TAF1L: variants seen among roughly 807,000 people sequenced by gnomAD.
TAF1L encodes the protein TATA-box binding protein associated factor 1 like.
A neutral mutation model predicts 128.8 loss-of-function variants in TAF1L; 30 were observed. The observed-to-expected ratio is 0.23, with a 90% CI of 0.17 to 0.32. The LOEUF is 0.32. Among genes scored for constraint, TAF1L ranks in the 10% least tolerant of loss-of-function variants. TAF1L has a pLI of 1.00. For missense variants in TAF1L, 2,099 were observed against 2,253.7 expected, an observed-to-expected ratio of 0.93 and a Z score of 1.39; for synonymous variants, 764 against 790.7, an observed-to-expected ratio of 0.97 and a Z score of 0.57.
chr9:32,631,587 A>G lies in TAF1L; in HGVS notation c.3993T>C (p.Asn1331=), dbSNP rs1221851127. The stretch of plus-strand genomic sequence containing the variant: ...TCCCTTCAACCTTGATAAGTTCTTC[A>G]TTATCATTATGAATGACTGTCTTTT... The part of the protein sequence containing the change: ...ELEKTVIHND[N]EELIKVEGTK... The change falls in exon 1 of 1, where the codon AAT becomes AAC. Residue 1331 remains asparagine (N), a synonymous_variant. Transcript: ENST00000242310. This position sits in a 1 kb window ranked among gnomAD's most constrained non-coding sequence, Gnocchi z 4.1. The G allele has an allele frequency of 1.9e-6, 3 of 1,614,172 alleles. No individual in the cohort carries two copies. Among genetic ancestry groups the G allele is most frequent in the Admixed American group, 3.3e-5 (2 of 60,022 alleles).
In TAF1L at chr9:32,634,486, G is replaced by C; in HGVS notation, c.1094C>G (p.Ala365Gly). ...ACCCAGCATATCATACCACAGTCGG[G>C]CAGGCCCATAACGCCACTCAGCCAC... ...PRVAEWRYGP[A>G]RLWYDMLGVS... Residue 365 changes from alanine (A) to glycine (G), a missense_variant, in exon 1 of 1, where the codon GCC (alanine) becomes GGC (glycine). Ala to Gly is a moderately conservative substitution (Grantham distance 60). Around this residue, in one of 4 missense-constraint regions of TAF1L, gnomAD observed 1,213 missense variants for 1,391.4 expected, o/e 0.87. Transcript: ENST00000242310. 6.2e-7 allele frequency: 1 copy of C among 1,614,154 alleles called. No individual in the cohort carries two copies. Among genetic ancestry groups the C allele is most frequent in the South Asian group, 1.1e-5 (1 of 91,084 alleles).
chr9:32,634,631 G>A lies in TAF1L; in HGVS notation c.949C>T (p.Pro317Ser), dbSNP rs759609585. 15 of 1,614,040 alleles carry A rather than the reference G, an allele frequency of 9.3e-6. No homozygotes were observed. Among genetic ancestry groups the A allele is most frequent in the South Asian group, 7.7e-5 (7 of 91,078 alleles). Residue 317 changes from proline (P) to serine (S), a missense_variant, in exon 1 of 1, where the codon CCA (proline) becomes TCA (serine). Pro to Ser is a moderately conservative substitution (Grantham distance 74). Around this residue, in one of 4 missense-constraint regions of TAF1L, gnomAD observed 473 missense variants for 429.6 expected, o/e 1.10. Coordinates refer to ENST00000242310, the MANE Select transcript of TAF1L (RefSeq NM_153809.2). Reference protein sequence around the residue: ...QKSLWNYDYAPPPPPEQCLAD... With the variant: ...QKSLWNYDYASPPPPEQCLAD... ...AGACACTGCTCTGGGGGTGGTGGTG[G>A]AGCATAGTCATAGTTCCACAAAGAC...
rs199701622 is a variant in TAF1L at position 32,630,063 on chromosome 9, TC to T, written c.*35del. 8.9e-4 allele frequency: 1,434 copies of T among 1,611,924 alleles called. 21 individuals carry two copies. The East Asian group carries it at 0.029, about 32-fold the overall frequency. On this transcript the variant is annotated 3_prime_UTR_variant, in exon 1 of 1. Coordinates refer to ENST00000242310, the MANE Select transcript of TAF1L (RefSeq NM_153809.2). The stretch of plus-strand genomic sequence containing the variant: ...GCTATCCTCCAAATCATGGGAAGCC[TC>T]CCCACCGTCTCCCTCATGGGACATC...
At position 32,634,395 on chromosome 9, in the gene TAF1L, C is replaced by T. The variant is rs771517191; in HGVS notation, c.1185G>A (p.Val395=). Residue 395 remains valine (V), a synonymous_variant, in exon 1 of 1, where the codon GTG becomes GTA. Transcript: ENST00000242310. Reference sequence around the variant, plus strand: ...ATTCCTCCATCATTCTAGATTTTATCACAGGTTCATGTTGTGTCTTTCTCA... The same window carrying T: ...ATTCCTCCATCATTCTAGATTTTATTACAGGTTCATGTTGTGTCTTTCTCA... ...FKLRKTQHEP[V]IKSRMMEEFR... 2.5e-6 allele frequency: 4 copies of T among 1,614,088 alleles called. No individual in the cohort carries two copies. The African/African-American group carries it at 5.3e-5, about 22-fold the overall frequency.
chr9:32,635,060 T>C lies in TAF1L; in HGVS notation c.520A>G (p.Ile174Val), dbSNP rs943616600. Residue 174 changes from isoleucine to valine, a missense_variant, in exon 1 of 1, where the codon ATT (isoleucine) becomes GTT (valine). Physicochemically the swap from Ile to Val is conservative, Grantham distance 29. Around this residue, in one of 4 missense-constraint regions of TAF1L, gnomAD observed 473 missense variants for 429.6 expected, o/e 1.10. Transcript: ENST00000242310. ...PMKKDKDQDA[I>V]TCVSESGEDI... ...TCTCCACTTTCAGACACACAGGTAA[T>C]AGCATCTTGGTCCTTATCCTTCTTC... The C allele has an allele frequency of 2.5e-6, 4 of 1,614,122 alleles. No homozygotes were observed. Among genetic ancestry groups the C allele is most frequent in the Non-Finnish European group, 2.5e-6 (3 of 1,180,008 alleles).
chr9:32,630,261 C>T lies in TAF1L; in HGVS notation c.5319G>A (p.Glu1773=), dbSNP rs747586254. ...DLLISEGEDD[E]EDAGSDEEGD... is the part of the protein sequence containing the mutation. ...CTTCTTCGTCACTCCCAGCATCTTCCTCATCATCTTCTCCTTCAGATATAA... is the reference window on the plus strand; with the variant it reads ...CTTCTTCGTCACTCCCAGCATCTTCTTCATCATCTTCTCCTTCAGATATAA... The change falls in exon 1 of 1, where the codon GAG becomes GAA. Residue 1773 remains glutamate (E), a synonymous_variant. Coordinates refer to ENST00000242310, the MANE Select transcript of TAF1L (RefSeq NM_153809.2). The T allele has an allele frequency of 1.2e-6, 2 of 1,614,128 alleles. No homozygotes were observed. Among genetic ancestry groups the T allele is most frequent in the Admixed American group, 1.7e-5 (1 of 60,012 alleles).
At position 32,630,336 on chromosome 9, in the gene TAF1L, C is replaced by A; in HGVS notation, c.5244G>T (p.Glu1748Asp). ...EGGDGDLADE[E>D]EGTVQQPEAS... ...CTTCAGGTTGTTGTACAGTTCCTTCCTCTTCATCTGCAAGATCACCATCTC... is the reference window on the plus strand; with the variant it reads ...CTTCAGGTTGTTGTACAGTTCCTTCATCTTCATCTGCAAGATCACCATCTC... Residue 1748 changes from glutamate (E) to aspartate (D), a missense_variant, in exon 1 of 1, where the codon GAG (glutamate) becomes GAT (aspartate). Around this residue, in one of 4 missense-constraint regions of TAF1L, gnomAD observed 404 missense variants for 406.5 expected, o/e 0.99. Transcript: ENST00000242310. The A allele has an allele frequency of 6.2e-7, 1 of 1,614,210 alleles. No homozygotes were observed. The highest frequency in any genetic ancestry group is 8.5e-7 in the Non-Finnish European group (1 of 1,180,054).
chr9:32,631,991 C>T lies in TAF1L; in HGVS notation c.3589G>A (p.Glu1197Lys), dbSNP rs772814576. Reference protein sequence around the residue: ...YRTFRDEEGKEYVRCETVRKP... With the variant: ...YRTFRDEEGKKYVRCETVRKP... Reference sequence around the variant, plus strand: ...CGGACTGTCTCACAGCGAACATACTCTTTCCCCTCTTCATCTCGAAATGTG... The same window carrying T: ...CGGACTGTCTCACAGCGAACATACTTTTTCCCCTCTTCATCTCGAAATGTG... The change falls in exon 1 of 1, where the codon GAG becomes AAG. Residue 1197 changes from glutamate to lysine, a missense_variant. Coordinates refer to ENST00000242310, the MANE Select transcript of TAF1L (RefSeq NM_153809.2). The surrounding 1 kb of genome is among the most constrained non-coding windows in gnomAD (Gnocchi z 4.1). 6.2e-7 allele frequency: 1 copy of T among 1,614,106 alleles called. No homozygotes were observed. Among genetic ancestry groups the T allele is most frequent in the African/African-American group, 1.3e-5 (1 of 74,934 alleles).
In TAF1L at chr9:32,635,508, G is replaced by T. The variant is rs1161338602; in HGVS notation, c.72C>A (p.Asp24Glu). The T allele has an allele frequency of 6.2e-7, 1 of 1,614,150 alleles. No individual in the cohort carries two copies. ...CACCTCCAGATGAATCTTCCTCGCT[G>T]TCCGAGTCTGACATGATGGCGGCAG... ...TVTAAIMSDSDSEEDSSGGGP... is the reference protein window; with the variant it reads ...TVTAAIMSDSESEEDSSGGGP... Residue 24 changes from aspartate to glutamate, a missense_variant, in exon 1 of 1, where the codon GAC becomes GAA. Physicochemically the swap from Asp to Glu is conservative, Grantham distance 45. Around this residue, in one of 4 missense-constraint regions of TAF1L, gnomAD observed 473 missense variants for 429.6 expected, o/e 1.10. Coordinates refer to ENST00000242310, the MANE Select transcript of TAF1L (RefSeq NM_153809.2).
rs776768824 is a variant in TAF1L, at chr9:32,630,610, G to A, written c.4970C>T (p.Thr1657Ile). The A allele has an allele frequency of 1.2e-6, 2 of 1,614,042 alleles. No homozygotes were observed. Among genetic ancestry groups the A allele is most frequent in the Admixed American group, 1.7e-5 (1 of 60,006 alleles). ...AGGCTGAGATGTGTAGGGCCCTGGG[G>A]TCATTGGGTCCAGGCTTTCTAATTC... is the stretch of plus-strand genomic sequence containing the variant. ...EAELESLDPMTPGPYTSQPPD... is the reference protein window; with the variant it reads ...EAELESLDPMIPGPYTSQPPD... Residue 1657 changes from threonine to isoleucine, a missense_variant, in exon 1 of 1, where the codon ACC (threonine) becomes ATC (isoleucine). Transcript: ENST00000242310.
rs1393531456 is a variant in TAF1L at position 32,635,563 on chromosome 9, T to C, written c.17A>G (p.Asp6Gly). Residue 6 changes from aspartate (D) to glycine (G), a missense_variant, in exon 1 of 1, where the codon GAT becomes GGT. By Grantham distance (94) the Asp-to-Gly change is moderately conservative. Coordinates refer to ENST00000242310, the MANE Select transcript of TAF1L (RefSeq NM_153809.2). ...GGTAGCTGCTGCCCTCAGCAGCAAA[T>C]CGCAGCCGGGTCGCATAAACCGGAA... MRPGC[D>G]LLLRAAATVT... The C allele has an allele frequency of 4.3e-6, 7 of 1,612,876 alleles. No homozygotes were observed. Among genetic ancestry groups the C allele is most frequent in the Non-Finnish European group, 5.9e-6 (7 of 1,179,624 alleles).
At position 32,630,305 on chromosome 9, in the gene TAF1L, C is replaced by T; in HGVS notation, c.5275G>A (p.Val1759Ile). The T allele has an allele frequency of 1.2e-6, 2 of 1,614,208 alleles. No homozygotes were observed. The highest frequency in any genetic ancestry group is 1.1e-5 in the South Asian group (1 of 91,084). ...EGTVQQPEASVLYEDLLISEG... is the reference protein window; with the variant it reads ...EGTVQQPEASILYEDLLISEG... The stretch of plus-strand genomic sequence containing the variant: ...GATATAAGCAAATCCTCATACAGGA[C>T]ACTGGCTTCAGGTTGTTGTACAGTT... Residue 1759 changes from valine to isoleucine, a missense_variant, in exon 1 of 1, where the codon GTC (valine) becomes ATC (isoleucine). Physicochemically the swap from Val to Ile is conservative, Grantham distance 29. This residue lies in a region of TAF1L where 404 missense variants were observed against 406.5 expected (regional missense o/e 0.99). Coordinates refer to ENST00000242310, the MANE Select transcript of TAF1L (RefSeq NM_153809.2).
In TAF1L at chr9:32,633,902, G is replaced by T. The variant is rs1407746743; in HGVS notation, c.1678C>A (p.Leu560Ile). ...CTGATGACACCTGTTTTGCCCAAGA[G>T]AATTCGACTCTTCTTCAGAGATGAT... is the stretch of plus-strand genomic sequence containing the variant. ...KESSLKKSRILLGKTGVIREE... is the reference protein window; with the variant it reads ...KESSLKKSRIILGKTGVIREE... Residue 560 changes from leucine to isoleucine, a missense_variant, in exon 1 of 1, where the codon CTC (leucine) becomes ATC (isoleucine). Around this residue, in one of 4 missense-constraint regions of TAF1L, gnomAD observed 1,213 missense variants for 1,391.4 expected, o/e 0.87. Transcript: ENST00000242310. 5 of 1,614,200 alleles carry T rather than the reference G, an allele frequency of 3.1e-6. No homozygotes were observed. Among genetic ancestry groups the T allele is most frequent in the Admixed American group, 3.3e-5 (2 of 60,030 alleles).
rs1351224956 is a variant in TAF1L, at chr9:32,633,986, T to C, written c.1594A>G (p.Ile532Val). Residue 532 changes from isoleucine (I) to valine (V), a missense_variant, in exon 1 of 1, where the codon ATT becomes GTT. Physicochemically the swap from Ile to Val is conservative, Grantham distance 29. Coordinates refer to ENST00000242310, the MANE Select transcript of TAF1L (RefSeq NM_153809.2). ...DPNDENLILE[I>V]PDEKEEATSN... ...GTGGCCTCTTCCTTCTCATCAGGAA[T>C]TTCCAAAATGAGGTTCTCATCATTG... The C allele has an allele frequency of 5.0e-6, 8 of 1,614,004 alleles. No individual in the cohort carries two copies. The highest frequency in any genetic ancestry group is 1.6e-4 in the Middle Eastern group (1 of 6,084).
In TAF1L at chr9:32,634,188, T is replaced by C. The variant is rs369853315; in HGVS notation, c.1392A>G (p.Val464=). 6 of 1,614,066 alleles carry C rather than the reference T, an allele frequency of 3.7e-6. No individual in the cohort carries two copies. The highest frequency in any genetic ancestry group is 1.3e-5 in the African/African-American group (1 of 74,906). The change falls in exon 1 of 1, where the codon GTA becomes GTG. Residue 464 remains valine (V), a synonymous_variant. Coordinates refer to ENST00000242310, the MANE Select transcript of TAF1L (RefSeq NM_153809.2). ...AACCTTGCTGAACATTGTAAGCCAT[T>C]ACATTCCTAGTCTTAATAGAAGGAA... ...GWLPSIKTRN[V]MAYNVQQGFA...
At position 32,635,641 on chromosome 9, in the gene TAF1L, C is replaced by G. The variant is rs905944058; in HGVS notation, c.-62G>C. On this transcript the variant is annotated 5_prime_UTR_variant, in exon 1 of 1. Transcript: ENST00000242310. The stretch of plus-strand genomic sequence containing the variant: ...CTACTTAGCTCCCTTACCCTACCAG[C>G]GTCTACCGGAAGCTGAATAAAGGCG... 545 of 1,314,586 alleles carry G rather than the reference C, an allele frequency of 4.1e-4. 1 individual carries two copies. Among genetic ancestry groups the G allele is most frequent in the Non-Finnish European group, 4.5e-4 (450 of 1,005,666 alleles). The allele number at this position is 1,314,586 out of a possible 1,614,324, so 81.4% of individuals were successfully genotyped here.
Position 32,632,803 on chromosome 9 carries a change from G to T in TAF1L, c.2777C>A (p.Ser926Tyr). 1.9e-6 allele frequency: 3 copies of T among 1,614,212 alleles called. No individual in the cohort carries two copies. Among genetic ancestry groups the T allele is most frequent in the Non-Finnish European group, 2.5e-6 (3 of 1,180,046 alleles). Residue 926 changes from serine (S) to tyrosine (Y), a missense_variant, in exon 1 of 1, where the codon TCC becomes TAC. By Grantham distance (144) the Ser-to-Tyr change is moderately radical. This residue lies in a region of TAF1L where 1,213 missense variants were observed against 1,391.4 expected (regional missense o/e 0.87). Transcript: ENST00000242310. This position sits in a 1 kb window ranked among gnomAD's most constrained non-coding sequence, Gnocchi z 4.4. ...RLKDAGYGEK[S>Y]FFAPEEENEE... Reference sequence around the variant, plus strand: ...ATTTTCTTCTTCTGGGGCAAAAAAGGATTTCTCACCATAGCCAGCATCCTT... The same window carrying T: ...ATTTTCTTCTTCTGGGGCAAAAAAGTATTTCTCACCATAGCCAGCATCCTT...
chr9:32,631,689 G>A lies in TAF1L; in HGVS notation c.3891C>T (p.Phe1297=), dbSNP rs762499951. The part of the protein sequence containing the change: ...GAIGHMRTNK[F]CPLYYQTNVP... ...CATTTGTTTGATAATAGAGGGGGCA[G>A]AATTTGTTAGTCCTCATATGTCCAA... The change falls in exon 1 of 1, where the codon TTC becomes TTT. Residue 1297 remains phenylalanine, a synonymous_variant. Coordinates refer to ENST00000242310, the MANE Select transcript of TAF1L (RefSeq NM_153809.2). The surrounding 1 kb of genome is among the most constrained non-coding windows in gnomAD (Gnocchi z 4.1). 6 of 1,614,034 alleles carry A rather than the reference G, an allele frequency of 3.7e-6. No homozygotes were observed. The African/African-American group carries it at 4.0e-5, about 11-fold the overall frequency.
chr9:32,632,093 T>A lies in TAF1L; in HGVS notation c.3487A>T (p.Asn1163Tyr). 6.2e-7 allele frequency: 1 copy of A among 1,614,180 alleles called. No individual in the cohort carries two copies. The highest frequency in any genetic ancestry group is 8.5e-7 in the Non-Finnish European group (1 of 1,180,038). ...LVAGSAASGN[N>Y]HRDDVTASMT... ...GAAGCTGTGACATCATCTCTGTGAT[T>A]GTTTCCTGATGCTGCTGAGCCTGCT... The change falls in exon 1 of 1, where the codon AAT (asparagine) becomes TAT (tyrosine). Residue 1163 changes from asparagine to tyrosine, a missense_variant. Asn to Tyr is a moderately radical substitution (Grantham distance 143). Transcript: ENST00000242310. The surrounding 1 kb of genome is among the most constrained non-coding windows in gnomAD (Gnocchi z 4.4).
Sources: gnomAD v4.1 joint callset for allele counts on GRCh38, gnomAD v4.1.1 for gene constraint, gnomAD v4.1.1 regional missense constraint, Gnocchi (gnomAD v3.1) non-coding constraint, MANE v1.5 for transcripts, NCBI Gene and HGNC (gene_info 2026-07-23, HGNC 2026-07-21) for gene names.